Variants in XPO1 observed in about 807,000 individuals in gnomAD.
The protein encoded by XPO1 is exportin-1.
A neutral mutation model predicts 133.3 loss-of-function variants in XPO1; 5 were observed. The ratio of observed to expected loss-of-function variants is 0.04; its 90% confidence interval spans 0.02 to 0.08. XPO1 has a LOEUF of 0.08. XPO1 is among the 10% of genes least tolerant of loss of function. The probability of loss-of-function intolerance (pLI) is 1.00; values close to 1 mark genes in which losing one functional copy is unlikely to be tolerated. For missense variants in XPO1, 506 were observed against 1,267.5 expected, an observed-to-expected ratio of 0.40 and a Z score of 9.12; for synonymous variants, 419 against 408.2, an observed-to-expected ratio of 1.03 and a Z score of -0.32.
chr2:61,505,906 C>T (rs561977248), intron 4 of XPO1, among the ~76,000 whole-genome samples: 1 of 152,240 alleles, frequency 6.6e-6, no homozygotes, highest in Admixed American at 6.5e-5. Flanking sequence ...TTCCATATGT[C>T]CTTAATGCTC....
chr2:61,532,996 C>G (rs1033418360), intron 2 of XPO1, among the ~76,000 whole-genome samples: 3 of 151,510 alleles, frequency 2.0e-5, no homozygotes, highest in Middle Eastern at 3.2e-3. Context: ...CTGGCCAACA[C>G]GGTGAAACCC....
At chr2:61,519,493 C>T (rs990956226) in intron 4 of XPO1, among the ~76,000 whole-genome samples, 2 of 149,324 alleles carry the variant, frequency 1.3e-5, no homozygotes, top group African/African-American at 5.0e-5. Flanking sequence ...GTCAGGAAAT[C>T]GAGACCTTCC....
chr2:61,511,545 G>GA (rs1698097078), intron 4 of XPO1, among the ~76,000 whole-genome samples: 1 of 152,092 alleles, frequency 6.6e-6, no homozygotes, highest in Non-Finnish European at 1.5e-5. Flanking sequence ...CTGAGTGGCT[G>GA]AAACTACAGG....
At chr2:61,496,225 TAA>T (rs1236924306) in intron 10 of XPO1, among the ~76,000 whole-genome samples, 3 of 151,876 alleles carry the variant, frequency 2.0e-5, no homozygotes, top group African/African-American at 7.3e-5. Context: ...CCTTGTTTTT[TAA>T]AAGAGACAGG....
Position 61,493,873 on chromosome 2 carries a change from CT to C in XPO1, c.1245+20del. The C allele has an allele frequency of 6.2e-7, 1 of 1,613,574 alleles. No individual in the cohort carries two copies. The highest frequency in any genetic ancestry group is 1.1e-5 in the South Asian group (1 of 90,998). On this transcript the variant is annotated intron_variant, in intron 12 of 24. Coordinates refer to ENST00000401558, the MANE Select transcript of XPO1 (RefSeq NM_003400.4). ...ACCACAGTATGCAACAGGAAGAACA[CT>C]CAACCAACCGCTCTGTTACCTTGAA...
chr2:61,494,253 T>G (rs1181886643), intron 11 of XPO1, 162 bp from the exon 12 acceptor site: 1 of 627,984 alleles, frequency 1.6e-6, no homozygotes, highest in Non-Finnish European at 2.7e-6. Flanking sequence ...GGAGTAACTC[T>G]GCTTCTTCTG....
At chr2:61,538,566 T>A (rs1374215593), upstream of XPO1, 1 of 150,958 alleles carries the variant, frequency 6.6e-6, no homozygotes, top group Non-Finnish European at 1.5e-5. Context: ...AGGAGAGGGG[T>A]GGAGGAGGAG....
In XPO1 at chr2:61,492,826, T is replaced by A. The variant is rs1424202782; in HGVS notation, c.1385-78A>T. On this transcript the variant is annotated intron_variant, in intron 13 of 24. Coordinates refer to ENST00000401558, the MANE Select transcript of XPO1 (RefSeq NM_003400.4). This position sits in a 1 kb window ranked among gnomAD's most constrained non-coding sequence, Gnocchi z 5.6. ...TGAGTAACAATACATTTAGAAAATA[T>A]TTAGAAACTACAAGTACATTTCCTA... 6.4e-7 allele frequency: 1 copy of A among 1,560,372 alleles called. No individual in the cohort carries two copies. Among genetic ancestry groups the A allele is most frequent in the Non-Finnish European group, 8.7e-7 (1 of 1,152,252 alleles).
chr2:61,480,125 A>T (rs1009753190), intron 24 of XPO1, among the ~76,000 whole-genome samples: 2 of 152,080 alleles, frequency 1.3e-5, no homozygotes, highest in South Asian at 2.1e-4. Flanking sequence ...TCGGCCTCCC[A>T]AAGTGCTGGG....
At chr2:61,518,026 A>G (rs1479345240) in intron 4 of XPO1, among the ~76,000 whole-genome samples, 3 of 152,098 alleles carry the variant, frequency 2.0e-5, no homozygotes, top group Non-Finnish European at 4.4e-5. Flanking sequence ...GCTACTTGGG[A>G]GACTGACACA....
intron 4 of XPO1, among the ~76,000 whole-genome samples, chr2:61,521,494 T>A (rs903387813): frequency 6.6e-6 from 1 of 152,162 alleles, no homozygotes; most frequent in Non-Finnish European, 1.5e-5. Context: ...TAACTGAAAT[T>A]AGCTAAATCA....
chr2:61,502,965 CTTTTT>C (rs201077547), intron 4 of XPO1, among the ~76,000 whole-genome samples: 60,684 of 138,070 alleles, frequency 0.44, 13,141 homozygotes, highest in East Asian at 0.63. Context: ...TGTTTCTTTT[CTTTTT>C]TTTTTTTTTT....
Position 61,519,109 on chromosome 2 carries a change from C to A in XPO1, c.301+3502G>T, listed in dbSNP as rs187983406. On this transcript the variant is annotated intron_variant, in intron 4 of 24. Transcript: ENST00000401558. Reference sequence around the variant, plus strand: ...GGGATTACAGGCATGTGCCACCACGCCCGGCTAATTTTTGTATTTTTAGTA... The same window carrying A: ...GGGATTACAGGCATGTGCCACCACGACCGGCTAATTTTTGTATTTTTAGTA... 1.3e-4 allele frequency among the ~76,000 whole-genome samples: 20 copies of A among 152,220 alleles called. 1 individual carries two copies. The highest frequency in any genetic ancestry group is 4.8e-4 in the African/African-American group (20 of 41,560).
At chr2:61,494,282 CA>C in intron 11 of XPO1, 191 bp from the exon 12 acceptor site, 1 of 523,484 alleles carries the variant, frequency 1.9e-6, no homozygotes. Flanking sequence ...TAAAGCACTT[CA>C]AAAATCTCTC....
At chr2:61,482,638 C>T (rs1696453525) in intron 22 of XPO1, 99 bp from the exon 23 acceptor site, 1 of 1,126,998 alleles carries the variant, frequency 8.9e-7, no homozygotes, top group Non-Finnish European at 1.2e-6. Context: ...CGGAGTCTCG[C>T]TCTGTCACCC....
chr2:61,532,073 A>G (rs762243372), intron 2 of XPO1, among the ~76,000 whole-genome samples: 1 of 152,172 alleles, frequency 6.6e-6, no homozygotes, highest in Admixed American at 6.5e-5. Context: ...TCCACCTTAT[A>G]TATTTTCAGA....
intron 3 of XPO1, among the ~76,000 whole-genome samples, chr2:61,523,332 C>T (rs1698778147): frequency 6.6e-6 from 1 of 152,186 alleles, no homozygotes; most frequent in Admixed American, 6.5e-5. Flanking sequence ...CTGTATCTAC[C>T]TTTCAGGTAT....
At chr2:61,510,863 G>C (rs562287716) in intron 4 of XPO1, among the ~76,000 whole-genome samples, 2 of 151,286 alleles carry the variant, frequency 1.3e-5, no homozygotes, top group Non-Finnish European at 2.9e-5. Context: ...CTAGAGCCCC[G>C]GAAGTTGAGG....
At chr2:61,506,187 G>A (rs553336046) in intron 4 of XPO1, among the ~76,000 whole-genome samples, 4 of 152,270 alleles carry the variant, frequency 2.6e-5, no homozygotes, top group South Asian at 2.1e-4. Context: ...CTGGAAGGCC[G>A]AGGCAGGCAG....
Sources: gnomAD v4.1 joint callset for allele counts (sites outside exome capture counted in the v4.1 genomes callset) on GRCh38, gnomAD v4.1.1 for gene constraint, Gnocchi (gnomAD v3.1) non-coding constraint, MANE v1.5 for transcripts, NCBI Gene and HGNC (gene_info 2026-07-23, HGNC 2026-07-21) for gene names.